PCDHGA2: variants seen among roughly 807,000 people sequenced by gnomAD.
PCDHGA2 encodes protocadherin gamma subfamily A, 2.
A neutral mutation model predicts 59.2 loss-of-function variants in PCDHGA2; 40 were observed. The observed-to-expected ratio is 0.68, with a 90% CI of 0.52 to 0.88. The LOEUF (loss-of-function observed/expected upper bound fraction) is 0.88, where lower values mean the gene tolerates loss of function less well. Among genes scored for constraint, PCDHGA2 ranks in the 40% least tolerant of loss-of-function variants. The pLI is 0.00. For missense variants in PCDHGA2, 1,226 were observed against 1,204.0 expected (o/e 1.02, Z -0.27); for synonymous variants, 560 against 526.0 (o/e 1.06, Z -0.89).
intron 1 of PCDHGA2, chr5:141,385,245 G>A: frequency 6.2e-7 from 1 of 1,613,932 alleles, no homozygotes; most frequent in Non-Finnish European, 8.5e-7. Context: ...TCATCAGCCA[G>A]GAGAGCTGTG....
chr5:141,351,826 C>A lies in PCDHGA2; in HGVS notation c.2424+10431C>A. The stretch of plus-strand genomic sequence containing the variant: ...GCGCCTTCGACCACGAGCAGCTGCG[C>A]GCCTTCGAGCTCACACTGCAGGCCA... On this transcript the variant is annotated intron_variant, in intron 1 of 3. Transcript: ENST00000394576. 6 of 1,613,200 alleles carry A rather than the reference C, an allele frequency of 3.7e-6. No homozygotes were observed. In the African/African-American group the frequency reaches 4.0e-5, roughly 11 times the overall value.
In PCDHGA2 at chr5:141,340,236, T is replaced by C. The variant is rs780825680; in HGVS notation, c.1265T>C (p.Leu422Pro). Residue 422 changes from leucine (L) to proline (P), a missense_variant, in exon 1 of 4, where the codon CTA becomes CCA. Physicochemically the swap from Leu to Pro is moderately conservative, Grantham distance 98. Coordinates refer to ENST00000394576, the MANE Select transcript of PCDHGA2 (RefSeq NM_018915.4). The part of the protein sequence containing the change: ...REQFSFYNIT[L>P]TAKDGGNPSL... ...CAGTTTTCCTTTTACAACATCACTC[T>C]AACCGCTAAAGATGGAGGGAACCCC... 2.5e-6 allele frequency: 4 copies of C among 1,614,184 alleles called. No individual in the cohort carries two copies. The South Asian group carries it at 3.3e-5, about 13-fold the overall frequency.
intron 1 of PCDHGA2, chr5:141,423,907 G>C: frequency 7.9e-7 from 1 of 1,271,360 alleles, no homozygotes. Context: ...TTTCAAAGGG[G>C]CCATTCAACT....
chr5:141,394,321 C>T lies in PCDHGA2; in HGVS notation c.2424+52926C>T, dbSNP rs11575959. ...ACGCTGCAGGGGGCGCCCCTGTCCT[C>T]GTATATCTCCATCAACTCTGACACC... On this transcript the variant is annotated intron_variant, in intron 1 of 3. Coordinates refer to ENST00000394576, the MANE Select transcript of PCDHGA2 (RefSeq NM_018915.4). 25 of 1,613,846 alleles carry T rather than the reference C, an allele frequency of 1.5e-5. No homozygotes were observed. The Admixed American group carries it at 2.7e-4, about 17-fold the overall frequency.
At position 141,493,444 on chromosome 5, in the gene PCDHGA2, G is replaced by T. The variant is rs2099748313; in HGVS notation, c.2425-1363G>T. On this transcript the variant is annotated intron_variant, in intron 1 of 3. Transcript: ENST00000394576. This position sits in a 1 kb window ranked among gnomAD's most constrained non-coding sequence, Gnocchi z 4.3. ...GCTTCTGCTGGGATGGGGCAAGGGT[G>T]GGGTTCCTTCCCTTTTAGGACCTTA... Among the ~76,000 whole-genome samples, 1 of 152,174 alleles carries T rather than the reference G, an allele frequency of 6.6e-6. No homozygotes were observed. Among genetic ancestry groups the T allele is most frequent in the South Asian group, 2.1e-4 (1 of 4,826 alleles).
At chr5:141,478,098 C>T (rs779493391) in intron 1 of PCDHGA2, 1 of 1,614,142 alleles carries the variant, frequency 6.2e-7, no homozygotes, top group South Asian at 1.1e-5. Flanking sequence ...ACCACTGCTA[C>T]CCTCACTGTG....
intron 1 of PCDHGA2, chr5:141,383,561 C>A: frequency 5.0e-6 from 8 of 1,613,196 alleles, no homozygotes; most frequent in Non-Finnish European, 6.8e-6. Context: ...GGCGACCCGC[C>A]CCGATCCAGC....
intron 1 of PCDHGA2, among the ~76,000 whole-genome samples, chr5:141,369,925 G>A (rs376465013): frequency 3.9e-5 from 6 of 152,186 alleles, no homozygotes; most frequent in Non-Finnish European, 4.4e-5. Flanking sequence ...AACTAAAAAC[G>A]TGACGGGATT....
chr5:141,375,943 C>T lies in PCDHGA2; in HGVS notation c.2424+34548C>T, dbSNP rs111303338. 3.8e-3 allele frequency: 6,199 copies of T among 1,613,582 alleles called. 67 individuals are homozygous for T. Among genetic ancestry groups the T allele is most frequent in the African/African-American group, 0.036 (2,673 of 75,052 alleles). ...GCGAGCCAGGACTTTTCTCAGTGGG[C>T]CTGCACACGGGCGAGGTGCGCACGG... On this transcript the variant is annotated intron_variant, in intron 1 of 3. Coordinates refer to ENST00000394576, the MANE Select transcript of PCDHGA2 (RefSeq NM_018915.4).
chr5:141,505,925 C>T (rs1161562658), intron 3 of PCDHGA2, among the ~76,000 whole-genome samples: 4 of 152,140 alleles, frequency 2.6e-5, no homozygotes, highest in Admixed American at 1.3e-4. Context: ...CTGGGCCTGG[C>T]GCTTGGAAGC....
intron 1 of PCDHGA2, chr5:141,442,020 A>G (rs1461958612): frequency 4.6e-6 from 1 of 219,170 alleles, no homozygotes; most frequent in South Asian, 5.2e-5. Context: ...GATGGGCCAC[A>G]GGAAAGCGAC....
At chr5:141,507,262 G>A (rs1294679320) in intron 3 of PCDHGA2, 6 of 151,748 alleles carry the variant, frequency 4.0e-5, no homozygotes, top group Non-Finnish European at 8.8e-5. Flanking sequence ...TAAACAGCAA[G>A]TACTATTTCA....
chr5:141,499,223 C>T (rs1478344280), intron 2 of PCDHGA2, among the ~76,000 whole-genome samples: 2 of 152,112 alleles, frequency 1.3e-5, no homozygotes, highest in African/African-American at 4.8e-5. Context: ...CCCTGCCCTG[C>T]AGCTGTCCCC....
At chr5:141,360,165 G>T in intron 1 of PCDHGA2, 1 of 1,607,726 alleles carries the variant, frequency 6.2e-7, no homozygotes. Flanking sequence ...GGTGCGGGCT[G>T]GTGCGGTGGC....
intron 1 of PCDHGA2, chr5:141,409,769 G>C (rs1413636372): frequency 1.2e-6 from 2 of 1,612,776 alleles, no homozygotes; most frequent in Non-Finnish European, 1.7e-6. Context: ...CTTTGATCAC[G>C]AGCAGCTGCG....
At chr5:141,415,036 T>C (rs772612744) in intron 1 of PCDHGA2, 1 of 1,613,526 alleles carries the variant, frequency 6.2e-7, no homozygotes, top group Admixed American at 1.7e-5. Context: ...GCCGGGACTC[T>C]TCGCGGTGGG....
intron 1 of PCDHGA2, chr5:141,364,466 G>A (rs1391136210): frequency 6.2e-7 from 1 of 1,613,872 alleles, no homozygotes; most frequent in African/African-American, 1.3e-5. Context: ...CTCCTTCGTC[G>A]GCAACATAGC....
intron 1 of PCDHGA2, chr5:141,350,596 T>C: frequency 6.2e-7 from 1 of 1,614,020 alleles, no homozygotes; most frequent in Non-Finnish European, 8.5e-7. Flanking sequence ...ACCCAATGAA[T>C]GTTTTCCACG....
At chr5:141,362,027 C>T in intron 1 of PCDHGA2, 2 of 1,608,844 alleles carry the variant, frequency 1.2e-6, no homozygotes, top group Non-Finnish European at 1.7e-6. Flanking sequence ...ACAGCGCGTG[C>T]CTTGGGCGAC....
Sources: allele counts gnomAD v4.1 joint callset (sites outside exome capture counted in the v4.1 genomes callset), GRCh38; gene constraint gnomAD v4.1.1; non-coding constraint Gnocchi (gnomAD v3.1); transcripts MANE v1.5; gene names NCBI Gene and HGNC (gene_info 2026-07-23, HGNC 2026-07-21).